The following RHCG variants were observed in gnomAD, a reference collection of about 807,000 sequenced individuals.
RHCG encodes Rh family C glycoprotein, also known as ammonium transporter Rh type C.
In RHCG, 39 loss-of-function variants were observed where a neutral mutation model predicts 55.3. The ratio of observed to expected loss-of-function variants is 0.70; its 90% confidence interval spans 0.55 to 0.92. RHCG has a LOEUF of 0.92. RHCG is among the 40% of genes least tolerant of loss of function. RHCG has a pLI of 0.00. For synonymous variants in RHCG, 250 were observed against 246.8 expected, an observed-to-expected ratio of 1.01 and a Z score of -0.12; for missense variants, 635 against 627.9, an observed-to-expected ratio of 1.01 and a Z score of -0.12.
At chr15:89,496,296 G>T in intron 1 of RHCG, 65 bp downstream of exon 1, 2 of 1,557,546 alleles carry the variant, frequency 1.3e-6, no homozygotes, top group Non-Finnish European at 1.8e-6. Flanking sequence ...TCTGGGCCGA[G>T]CCCTTGGCCA....
chr15:89,488,515 C>T (rs569235058), intron 1 of RHCG, among the ~76,000 whole-genome samples: 1 of 152,236 alleles, frequency 6.6e-6, no homozygotes, highest in Admixed American at 6.5e-5. Context: ...ACTCATGCCT[C>T]CACATGTGAT....
chr15:89,490,162 C>CCA (rs1392039375), intron 1 of RHCG, among the ~76,000 whole-genome samples: 9 of 152,252 alleles, frequency 5.9e-5, no homozygotes, highest in African/African-American at 2.2e-4. Flanking sequence ...GTTCTGGTGC[C>CCA]CACTGCAGCC....
rs1208178507 is a variant in RHCG at position 89,490,682 on chromosome 15, G to A, written c.185-3697C>T. Among the ~76,000 whole-genome samples, 8 of 152,222 alleles carry A rather than the reference G, an allele frequency of 5.3e-5. No homozygotes were observed. In the East Asian group the frequency reaches 1.5e-3, roughly 29 times the overall value. On this transcript the variant is annotated intron_variant, in intron 1 of 10. Coordinates refer to ENST00000268122, the MANE Select transcript of RHCG (RefSeq NM_016321.3). ...GGGGAGGGGAGTTGGCAGGATGACAGGATGGCAGCGCTGTTGACAAACACA... is the reference window on the plus strand; with the variant it reads ...GGGGAGGGGAGTTGGCAGGATGACAAGATGGCAGCGCTGTTGACAAACACA...
chr15:89,481,994 G>C (rs1459481021), intron 3 of RHCG, among the ~76,000 whole-genome samples: 1 of 152,182 alleles, frequency 6.6e-6, no homozygotes, highest in Non-Finnish European at 1.5e-5. Context: ...GAGAGACAGG[G>C]TTTCGCCATG....
chr15:89,491,957 A>G (rs193200348), intron 1 of RHCG, among the ~76,000 whole-genome samples: 1 of 152,290 alleles, frequency 6.6e-6, no homozygotes, highest in East Asian at 1.9e-4. Flanking sequence ...GGTATAACGC[A>G]ATCAAAGCCC....
At chr15:89,490,023 T>A (rs1029594620) in intron 1 of RHCG, among the ~76,000 whole-genome samples, 1 of 152,202 alleles carries the variant, frequency 6.6e-6, no homozygotes, top group African/African-American at 2.4e-5. Context: ...TATGGATGAA[T>A]GAATGATTGT....
At chr15:89,485,010 G>T (rs1961334387) in intron 2 of RHCG, among the ~76,000 whole-genome samples, 1 of 152,078 alleles carries the variant, frequency 6.6e-6, no homozygotes, top group Admixed American at 6.5e-5. Flanking sequence ...CACAAGGTCA[G>T]GTCTGGGGAC....
chr15:89,483,303 G>C, intron 2 of RHCG, 86 bp from the exon 3 acceptor site: 1 of 1,303,014 alleles, frequency 7.7e-7, no homozygotes. Flanking sequence ...ATATGGATTT[G>C]GGCTTGTGGC....
At position 89,496,432 on chromosome 15, in the gene RHCG, G is replaced by T. The variant is rs757869397; in HGVS notation, c.113C>A (p.Ala38Asp). Residue 38 changes from alanine to aspartate, a missense_variant, in exon 1 of 11, where the codon GCC becomes GAC. Physicochemically the swap from Ala to Asp is moderately radical, Grantham distance 126. Coordinates refer to ENST00000268122, the MANE Select transcript of RHCG (RefSeq NM_016321.3). ...GTGCGTCCTCTCTGACCACCAGTGG[G>T]CGTCGGCCTCGAAGTCGTAGCGCAC... ...VFVRYDFEAD[A>D]HWWSERTHKN... is the part of the protein sequence containing the mutation. 6.2e-7 allele frequency: 1 copy of T among 1,613,938 alleles called. No homozygotes were observed. The highest frequency in any genetic ancestry group is 8.5e-7 in the Non-Finnish European group (1 of 1,179,986).
At chr15:89,480,201 C>A in intron 4 of RHCG, 60 bp downstream of exon 4, 1 of 1,607,704 alleles carries the variant, frequency 6.2e-7, no homozygotes, top group East Asian at 2.2e-5. Flanking sequence ...TGGCTGCCTT[C>A]ACCCATCATG....
chr15:89,476,119 T>C (rs1380836520), intron 9 of RHCG, among the ~76,000 whole-genome samples: 1 of 151,560 alleles, frequency 6.6e-6, no homozygotes, highest in Non-Finnish European at 1.5e-5. Context: ...CAGGCTGGAG[T>C]GCAGTGGCGC....
intron 3 of RHCG, among the ~76,000 whole-genome samples, chr15:89,482,329 T>C (rs1254947492): frequency 6.6e-6 from 1 of 151,922 alleles, no homozygotes; most frequent in Non-Finnish European, 1.5e-5. Flanking sequence ...GGGAGATGAG[T>C]CAGGAGGAAG....
At chr15:89,496,088 G>A (rs1332948501) in intron 1 of RHCG, among the ~76,000 whole-genome samples, 1 of 152,206 alleles carries the variant, frequency 6.6e-6, no homozygotes, top group South Asian at 2.1e-4. Context: ...ACCAAGCAGG[G>A]CTCTCTGACA....
chr15:89,483,245 C>A, intron 2 of RHCG, 28 bp from the exon 3 acceptor site: 1 of 1,498,206 alleles, frequency 6.7e-7, no homozygotes, highest in Non-Finnish European at 9.1e-7. Flanking sequence ...AGTGGAGAAG[C>A]TGGGGCAATA....
At chr15:89,479,022 C>T (rs529376260) in intron 5 of RHCG, among the ~76,000 whole-genome samples, 5 of 140,380 alleles carry the variant, frequency 3.6e-5, no homozygotes, top group African/African-American at 1.6e-4. Flanking sequence ...ATTGCTTAAA[C>T]TTGGGATGCA....
At chr15:89,472,529 G>A (rs1436740892) in intron 10 of RHCG, among the ~76,000 whole-genome samples, 182 bp downstream of exon 10, 1 of 152,204 alleles carries the variant, frequency 6.6e-6, no homozygotes, top group Non-Finnish European at 1.5e-5. Flanking sequence ...GATGCACGTT[G>A]TCTGACTCTA....
In RHCG at chr15:89,482,295, G is replaced by A. The variant is rs568310608; in HGVS notation, c.522+772C>T. ...CTGCTGAAGATGACTTTCCTTAGGGGCAAGGAAGGCAAGAATGCAGCCGGG... is the reference window on the plus strand; with the variant it reads ...CTGCTGAAGATGACTTTCCTTAGGGACAAGGAAGGCAAGAATGCAGCCGGG... On this transcript the variant is annotated intron_variant, in intron 3 of 10. Coordinates refer to ENST00000268122, the MANE Select transcript of RHCG (RefSeq NM_016321.3). Among the ~76,000 whole-genome samples, 9 of 152,312 alleles carry A rather than the reference G, an allele frequency of 5.9e-5. No homozygotes were observed. The East Asian group carries it at 7.7e-4, about 13-fold the overall frequency.
chr15:89,494,386 A>G (rs1961528993), intron 1 of RHCG, among the ~76,000 whole-genome samples: 1 of 152,168 alleles, frequency 6.6e-6, no homozygotes, highest in African/African-American at 2.4e-5. Flanking sequence ...TGGCTTATCC[A>G]TGGGTCCCAG....
At chr15:89,472,952 T>A in intron 9 of RHCG, 89 bp from the exon 10 acceptor site, 22 of 1,359,358 alleles carry the variant, frequency 1.6e-5, no homozygotes, top group Non-Finnish European at 2.1e-5. Flanking sequence ...GCAAATGGTG[T>A]GTGGCGAGCG....
Sources: allele counts gnomAD v4.1 joint callset (sites outside exome capture counted in the v4.1 genomes callset), GRCh38; gene constraint gnomAD v4.1.1; transcripts MANE v1.5; gene names NCBI Gene and HGNC (gene_info 2026-07-23, HGNC 2026-07-21).